CDK6: variants seen among roughly 807,000 people sequenced by gnomAD.
CDK6 encodes cyclin dependent kinase 6, also known as cyclin-dependent kinase 6.
CDK6 carries 6 observed loss-of-function variants against 37.1 expected under a neutral mutation model. That is an observed-to-expected ratio of 0.16 (90% CI 0.09 to 0.32). The LOEUF (loss-of-function observed/expected upper bound fraction) is 0.32. Ranked by LOEUF, CDK6 falls within the 10% of genes least tolerant of loss-of-function variation. The pLI is 1.00. For missense variants in CDK6, 224 were observed against 418.9 expected (o/e 0.53, Z 4.06); for synonymous variants, 160 against 161.3 (o/e 0.99, Z 0.06).
chr7:92,648,677 C>A (rs373361055), intron 5 of CDK6, among the ~76,000 whole-genome samples: 1 of 152,140 alleles, frequency 6.6e-6, no homozygotes, highest in Non-Finnish European at 1.5e-5. Context: ...CAGTTCAATA[C>A]GTATTGGATG....
chr7:92,682,520 T>C (rs188032127), intron 4 of CDK6, among the ~76,000 whole-genome samples: 2 of 152,336 alleles, frequency 1.3e-5, no homozygotes, highest in Middle Eastern at 3.4e-3. Flanking sequence ...TCTCAATCAT[T>C]GTATCCTTAC....
chr7:92,651,038 C>A (rs954941821), intron 5 of CDK6, among the ~76,000 whole-genome samples: 11 of 151,988 alleles, frequency 7.2e-5, no homozygotes, highest in Admixed American at 5.2e-4. Context: ...TACAGGCATG[C>A]GCCACCACAC....
intron 2 of CDK6, among the ~76,000 whole-genome samples, chr7:92,805,408 T>C (rs559933508): frequency 3.9e-5 from 6 of 152,342 alleles, no homozygotes; most frequent in Admixed American, 2.6e-4. Flanking sequence ...TTTTCCGTCA[T>C]GCTGTTCCAA....
At chr7:92,637,799 A>G (rs945690989) in intron 5 of CDK6, among the ~76,000 whole-genome samples, 16 of 152,232 alleles carry the variant, frequency 1.1e-4, no homozygotes, top group African/African-American at 3.9e-4. Flanking sequence ...GACAAGGCCA[A>G]TGGTATACAT....
chr7:92,638,379 C>T (rs1796223928), intron 5 of CDK6, among the ~76,000 whole-genome samples: 2 of 152,214 alleles, frequency 1.3e-5, no homozygotes, highest in South Asian at 2.1e-4. Flanking sequence ...AACAACGTTT[C>T]ACTGTCTCAT....
chr7:92,680,435 GAAAAA>G (rs778849907), intron 4 of CDK6, among the ~76,000 whole-genome samples: 5 of 27,920 alleles, frequency 1.8e-4, no homozygotes, highest in South Asian at 1.6e-3. Flanking sequence ...TTCCATCTCA[GAAAAA>G]AAAAAAAAAA....
chr7:92,717,635 T>C (rs1259727342), intron 4 of CDK6, among the ~76,000 whole-genome samples: 1 of 152,192 alleles, frequency 6.6e-6, no homozygotes, highest in Non-Finnish European at 1.5e-5. Context: ...TTTCTCCGAG[T>C]AAAACATCCT....
At chr7:92,793,377 A>C (rs3731292) in intron 2 of CDK6, among the ~76,000 whole-genome samples, 2,956 of 152,292 alleles carry the variant, frequency 0.019, 101 homozygotes, top group African/African-American at 0.068. Flanking sequence ...TACCTAAGAC[A>C]GTATGGTACT....
chr7:92,795,419 T>C (rs1368807984), intron 2 of CDK6, among the ~76,000 whole-genome samples: 1 of 152,168 alleles, frequency 6.6e-6, no homozygotes, highest in Non-Finnish European at 1.5e-5. Flanking sequence ...GAGTAAAGTC[T>C]AAATCCTCTG....
intron 5 of CDK6, among the ~76,000 whole-genome samples, chr7:92,658,737 T>C (rs1244899970): frequency 6.6e-6 from 1 of 152,212 alleles, no homozygotes; most frequent in African/African-American, 2.4e-5. Flanking sequence ...AACCAGACTA[T>C]GTTATTTTAC....
At chr7:92,719,963 A>T (rs1798328087) in intron 4 of CDK6, among the ~76,000 whole-genome samples, 1 of 152,134 alleles carries the variant, frequency 6.6e-6, no homozygotes, top group Admixed American at 6.5e-5. Context: ...GCAATTATGG[A>T]CTTGGGTGAT....
chr7:92,669,242 G>A (rs1258947964), intron 5 of CDK6, among the ~76,000 whole-genome samples: 5 of 152,202 alleles, frequency 3.3e-5, no homozygotes, highest in African/African-American at 7.2e-5. Context: ...GTTCCAGGTC[G>A]TAGAGGATTC....
Position 92,833,766 on chromosome 7 carries a change from C to T in CDK6, c.-367-76G>A, listed in dbSNP as rs887879964. 2.9e-5 allele frequency: 12 copies of T among 408,284 alleles called. No homozygotes were observed. The highest frequency in any genetic ancestry group is 5.1e-5 in the Non-Finnish European group (12 of 233,024). 25.3% of individuals were successfully genotyped at this position (408,284 alleles called of 1,614,324 possible). A position where few individuals can be genotyped will look rare whatever the true frequency, so the allele number is the denominator to read the frequency against. ...AAGCCTTCCTCGGGGTTCCTCCAGA[C>T]TCCCCTCCTCCTCCTTTACGAAGCC... On this transcript the variant is annotated intron_variant, in intron 1 of 7. Coordinates refer to ENST00000424848, the MANE Select transcript of CDK6 (RefSeq NM_001145306.2). This position sits in a 1 kb window ranked among gnomAD's most constrained non-coding sequence, Gnocchi z 6.1.
rs549076097 is a variant in CDK6, at chr7:92,681,358, A to T, written c.538-9823T>A. Among the ~76,000 whole-genome samples, 7 of 152,340 alleles carry T rather than the reference A, an allele frequency of 4.6e-5. No individual in the cohort carries two copies. In the East Asian group the frequency reaches 1.4e-3, roughly 29 times the overall value. ...GTGTACTCGTGTCAGGGGAGGGATG[A>T]AAATGACTCACTGAAGGACCAGCAA... On this transcript the variant is annotated intron_variant, in intron 4 of 7. Transcript: ENST00000424848.
At chr7:92,799,542 T>C (rs1800514761) in intron 2 of CDK6, among the ~76,000 whole-genome samples, 1 of 152,044 alleles carries the variant, frequency 6.6e-6, no homozygotes, top group Admixed American at 6.6e-5. Context: ...CTCATTCATC[T>C]ATTTAATATA....
intron 5 of CDK6, among the ~76,000 whole-genome samples, chr7:92,651,798 G>A (rs1412907708): frequency 6.8e-6 from 1 of 147,770 alleles, no homozygotes; most frequent in East Asian, 2.0e-4. Flanking sequence ...GGTGTCAGCT[G>A]TTAACTCTCT....
chr7:92,790,081 A>T (rs1416469198), intron 2 of CDK6, among the ~76,000 whole-genome samples: 1 of 152,154 alleles, frequency 6.6e-6, no homozygotes, highest in Non-Finnish European at 1.5e-5. Context: ...CCAAAATAGT[A>T]CTTTCTCCAA....
chr7:92,774,438 G>A (rs1799795473), intron 3 of CDK6, among the ~76,000 whole-genome samples: 1 of 152,052 alleles, frequency 6.6e-6, no homozygotes. Flanking sequence ...ATTTTAATAT[G>A]CATTAGAACT....
At chr7:92,720,795 T>C (rs1244041058) in intron 4 of CDK6, among the ~76,000 whole-genome samples, 8 of 152,168 alleles carry the variant, frequency 5.3e-5, no homozygotes, top group Non-Finnish European at 1.2e-4. Flanking sequence ...ACATTTCACA[T>C]GAGAAGGACT....
Sources: allele counts gnomAD v4.1 joint callset (sites outside exome capture counted in the v4.1 genomes callset), GRCh38; gene constraint gnomAD v4.1.1; non-coding constraint Gnocchi (gnomAD v3.1); transcripts MANE v1.5; gene names NCBI Gene and HGNC (gene_info 2026-07-23, HGNC 2026-07-21).